The following WASHC5 variants were observed in gnomAD, a reference collection of about 807,000 sequenced individuals.
WASHC5 encodes WASH complex subunit strumpellin.
Under a neutral mutation model 150.4 loss-of-function variants are expected in WASHC5, and 101 were observed. The observed-to-expected ratio is 0.67, with a 90% confidence interval of 0.57 to 0.79. The LOEUF (loss-of-function observed/expected upper bound fraction) is 0.79, where lower values mean the gene tolerates loss of function less well. Ranked by LOEUF, WASHC5 falls within the 30% of genes least tolerant of loss-of-function variation. The probability of loss-of-function intolerance (pLI) is 0.00; values close to 1 mark genes in which losing one functional copy is unlikely to be tolerated. For synonymous variants in WASHC5, 467 were observed against 491.2 expected (o/e 0.95, Z 0.65); for missense variants, 1,195 against 1,396.3 (o/e 0.86, Z 2.30).
chr8:125,070,872 A>C (rs1563629638), intron 9 of WASHC5, among the ~76,000 whole-genome samples: 2 of 152,238 alleles, frequency 1.3e-5, no homozygotes, highest in African/African-American at 4.8e-5. Context: ...ACATTTTCAA[A>C]GATACGAAGG....
intron 26 of WASHC5, among the ~76,000 whole-genome samples, chr8:125,035,497 T>C (rs140025117): frequency 1.3e-3 from 201 of 152,346 alleles, no homozygotes; most frequent in African/African-American, 4.4e-3. Context: ...CAGATGAACC[T>C]TTACATTACA....
intron 1 of WASHC5, among the ~76,000 whole-genome samples, chr8:125,089,215 G>A (rs1485037649): frequency 1.3e-5 from 2 of 152,194 alleles, no homozygotes; most frequent in African/African-American, 4.8e-5. Flanking sequence ...ATAATGGACA[G>A]TGGGCAAAAC....
chr8:125,049,128 G>A lies in WASHC5; in HGVS notation c.2257C>T (p.Arg753Cys), dbSNP rs780719370. The A allele has an allele frequency of 1.1e-5, 18 of 1,613,802 alleles. No homozygotes were observed. The highest frequency in any genetic ancestry group is 6.7e-5 in the African/African-American group (5 of 74,838). The stretch of plus-strand genomic sequence containing the variant: ...TAGTCCTGTATGTATTCAAAAGAAC[G>A]ATGGAATCCATCCATGGTCGCTCCC... ...ELGATMDGFH[R>C]SFEYIQDYVN... Residue 753 changes from arginine to cysteine, a missense_variant, in exon 19 of 29, where the codon CGT becomes TGT. Arg to Cys is a radical substitution (Grantham distance 180). Coordinates refer to ENST00000318410, the MANE Select transcript of WASHC5 (RefSeq NM_014846.4).
chr8:125,039,714 A>G, intron 24 of WASHC5, 81 bp downstream of exon 24: 1 of 935,652 alleles, frequency 1.1e-6, no homozygotes, highest in South Asian at 1.3e-5. Flanking sequence ...AACTTAAAAG[A>G]GTAAGAACTG....
Position 125,038,952 on chromosome 8 carries a change from G to C in WASHC5, c.2962C>G (p.Leu988Val). Reference sequence around the variant, plus strand: ...TGATAGTGGGCTTCAATGTCTGCTAGGAGAGCCCTAAAGGAAGAAAAACCC... The same window carrying C: ...TGATAGTGGGCTTCAATGTCTGCTACGAGAGCCCTAAAGGAAGAAAAACCC... The part of the protein sequence containing the change: ...AALENLNKAL[L>V]ADIEAHYQDP... Residue 988 changes from leucine to valine, a missense_variant, in exon 25 of 29, where the codon CTA becomes GTA. Leu to Val is a conservative substitution (Grantham distance 32). Around this residue, in one of 3 missense-constraint regions of WASHC5, gnomAD observed 997 missense variants for 1,168.1 expected, o/e 0.85. Coordinates refer to ENST00000318410, the MANE Select transcript of WASHC5 (RefSeq NM_014846.4). The C allele has an allele frequency of 6.2e-7, 1 of 1,613,804 alleles. No individual in the cohort carries two copies. Among genetic ancestry groups the C allele is most frequent in the Non-Finnish European group, 8.5e-7 (1 of 1,179,746 alleles).
intron 1 of WASHC5, among the ~76,000 whole-genome samples, chr8:125,085,812 G>A (rs1398303989): frequency 6.6e-6 from 1 of 152,144 alleles, no homozygotes; most frequent in Non-Finnish European, 1.5e-5. Context: ...ATAACTCCTC[G>A]GACTTGATGA....
At chr8:125,032,920 T>C (rs1815583893) in intron 26 of WASHC5, among the ~76,000 whole-genome samples, 1 of 151,778 alleles carries the variant, frequency 6.6e-6, no homozygotes, top group African/African-American at 2.4e-5. Flanking sequence ...GCCTTTACAC[T>C]AACGATTTTT....
At chr8:125,064,899 A>G (rs1205197325) in intron 10 of WASHC5, among the ~76,000 whole-genome samples, 1 of 152,206 alleles carries the variant, frequency 6.6e-6, no homozygotes, top group Admixed American at 6.5e-5. Context: ...TGACTAACCA[A>G]TAAAATGATG....
At position 125,057,650 on chromosome 8, in the gene WASHC5, T is replaced by A; in HGVS notation, c.1781A>T (p.Asp594Val). 1 of 1,613,032 alleles carries A rather than the reference T, an allele frequency of 6.2e-7. No individual in the cohort carries two copies. The highest frequency in any genetic ancestry group is 8.5e-7 in the Non-Finnish European group (1 of 1,179,128). Residue 594 changes from aspartate (D) to valine (V), a missense_variant, in exon 15 of 29, where the codon GAT becomes GTT. Around this residue, in one of 3 missense-constraint regions of WASHC5, gnomAD observed 997 missense variants for 1,168.1 expected, o/e 0.85. Coordinates refer to ENST00000318410, the MANE Select transcript of WASHC5 (RefSeq NM_014846.4). ...ATFLKLASALDLPLLRINQAN... is the reference protein window; with the variant it reads ...ATFLKLASALVLPLLRINQAN... ...CTGATTAATACGAAGAAGGGGCAGA[T>A]CGAGGGCAGAGGCAAGCTGGAAGAA... is the stretch of plus-strand genomic sequence containing the variant.
At chr8:125,064,923 G>A (rs1816703997) in intron 10 of WASHC5, among the ~76,000 whole-genome samples, 1 of 152,152 alleles carries the variant, frequency 6.6e-6, no homozygotes, top group African/African-American at 2.4e-5. Context: ...GAGAGGATGA[G>A]GAATAATGAA....
At chr8:125,089,900 A>G (rs75553573) in intron 1 of WASHC5, among the ~76,000 whole-genome samples, 6,632 of 151,770 alleles carry the variant, frequency 0.044, 513 homozygotes, top group African/African-American at 0.15. Flanking sequence ...ACCTAGGTAA[A>G]TCACCTTTCT....
intron 9 of WASHC5, among the ~76,000 whole-genome samples, chr8:125,070,042 A>G (rs960035073): frequency 3.3e-5 from 5 of 152,172 alleles, no homozygotes; most frequent in Admixed American, 2.6e-4. Flanking sequence ...TCTCTCTCAG[A>G]TCTGACCCTT....
In WASHC5 at chr8:125,063,024, A is replaced by G. The variant is rs532868822; in HGVS notation, c.1408+498T>C. 2.0e-5 allele frequency among the ~76,000 whole-genome samples: 3 copies of G among 152,324 alleles called. No individual in the cohort carries two copies. The South Asian group carries it at 6.2e-4, about 32-fold the overall frequency. On this transcript the variant is annotated intron_variant, in intron 11 of 28. Transcript: ENST00000318410. ...GCAGTACCCTCTTCTGCTACTAGAT[A>G]GCAGGTGCATTCGTGAACAAGAATC...
intron 17 of WASHC5, among the ~76,000 whole-genome samples, chr8:125,052,736 A>G (rs2130066187): frequency 6.6e-6 from 1 of 152,238 alleles, no homozygotes; most frequent in African/African-American, 2.4e-5. Flanking sequence ...ACCAATCCAC[A>G]GTACGAATGC....
chr8:125,044,812 C>G, intron 20 of WASHC5, 114 bp from the exon 21 acceptor site: 1 of 1,081,500 alleles, frequency 9.2e-7, no homozygotes, highest in Non-Finnish European at 1.4e-6. Flanking sequence ...GTTACATGAT[C>G]TGTGTTTTCT....
chr8:125,054,081 G>T (rs1421651591), intron 17 of WASHC5, among the ~76,000 whole-genome samples: 1 of 152,188 alleles, frequency 6.6e-6, no homozygotes. Context: ...CACTTGAAAA[G>T]AATGTAGATT....
At chr8:125,048,873 G>A in intron 19 of WASHC5, 133 bp downstream of exon 19, 1 of 712,878 alleles carries the variant, frequency 1.4e-6, no homozygotes, top group South Asian at 2.0e-5. Flanking sequence ...AACCCTCCTG[G>A]CTCCTGAAAG....
In WASHC5 at chr8:125,032,025, TGAGTAGACCGGATG is replaced by T. The variant is rs527310705; in HGVS notation, c.3335+202_3335+215del. Among the ~76,000 whole-genome samples, 7 of 152,282 alleles carry T rather than the reference TGAGTAGACCGGATG, an allele frequency of 4.6e-5. No homozygotes were observed. In the East Asian group the frequency reaches 1.4e-3, roughly 29 times the overall value. On this transcript the variant is annotated intron_variant, in intron 27 of 28. Coordinates refer to ENST00000318410, the MANE Select transcript of WASHC5 (RefSeq NM_014846.4). ...CTGAGTCACTCCTGGAAAATCAATG[TGAGTAGACCGGATG>T]GAGTTCCCCTGGCAGGGTGACTAAG...
chr8:125,047,434 A>C (rs113131965), intron 19 of WASHC5, 103 bp from the exon 20 acceptor site: 13 of 1,229,926 alleles, frequency 1.1e-5, no homozygotes, highest in Middle Eastern at 2.0e-4. Flanking sequence ...AAAGAGTGAC[A>C]ATAAAGGTTG....
Sources: gnomAD v4.1 joint callset for allele counts (sites outside exome capture counted in the v4.1 genomes callset) on GRCh38, gnomAD v4.1.1 for gene constraint, gnomAD v4.1.1 regional missense constraint, MANE v1.5 for transcripts, NCBI Gene and HGNC (gene_info 2026-07-23, HGNC 2026-07-21) for gene names.